The following LRP1B variants were observed in gnomAD, a reference collection of about 807,000 sequenced individuals.
LRP1B encodes the protein low-density lipoprotein receptor-related protein 1B.
Under a neutral mutation model 556.6 loss-of-function variants are expected in LRP1B, and 217 were observed. That is an observed-to-expected ratio of 0.39 (90% CI 0.35 to 0.44). The LOEUF (loss-of-function observed/expected upper bound fraction) is 0.44, where lower values mean the gene tolerates loss of function less well. Ranked by LOEUF, LRP1B falls within the 20% of genes least tolerant of loss-of-function variation. The pLI is 1.00. For synonymous variants in LRP1B, 2,047 were observed against 1,865.8 expected (o/e 1.10, Z -2.50); for missense variants, 5,053 against 5,620.8 (o/e 0.90, Z 3.23).
intron 45 of LRP1B, 149 bp from the exon 46 acceptor site, chr2:140,536,858 T>C (rs774032798): frequency 1.4e-6 from 1 of 695,162 alleles, no homozygotes; most frequent in Non-Finnish European, 2.3e-6. Flanking sequence ...ATGACATTTC[T>C]TTATGAAATT....
chr2:140,558,610 C>G (rs1281195129), intron 43 of LRP1B, among the ~76,000 whole-genome samples: 2 of 151,882 alleles, frequency 1.3e-5, no homozygotes, highest in African/African-American at 4.8e-5. Flanking sequence ...TGAGGACTGA[C>G]AGCTAAGTGG....
At chr2:140,970,929 C>T (rs922633759) in intron 18 of LRP1B, among the ~76,000 whole-genome samples, 4 of 151,644 alleles carry the variant, frequency 2.6e-5, no homozygotes, top group Non-Finnish European at 5.9e-5. Context: ...TGTTTAGAGA[C>T]AGGGTTTTGC....
chr2:140,787,029 G>A (rs1212815934), intron 32 of LRP1B, among the ~76,000 whole-genome samples: 2 of 152,104 alleles, frequency 1.3e-5, no homozygotes, highest in East Asian at 3.9e-4. Flanking sequence ...ATTAGAAAAA[G>A]GAAGAAGAGG....
intron 31 of LRP1B, among the ~76,000 whole-genome samples, chr2:140,824,134 A>AAC (rs925787019): frequency 2.0e-5 from 3 of 151,612 alleles, no homozygotes; most frequent in African/African-American, 7.3e-5. Flanking sequence ...AAAAATAAAA[A>AAC]AAAATAGAAA....
chr2:142,124,162 G>T (rs998587708), intron 1 of LRP1B, among the ~76,000 whole-genome samples: 15 of 151,780 alleles, frequency 9.9e-5, no homozygotes, highest in African/African-American at 3.6e-4. Flanking sequence ...GTGCCCAATA[G>T]TTATCCTTTC....
intron 86 of LRP1B, among the ~76,000 whole-genome samples, chr2:140,266,685 AC>A (rs1682217460): frequency 6.6e-6 from 1 of 151,856 alleles, no homozygotes; most frequent in Admixed American, 6.6e-5. Context: ...AAGATGTTCA[AC>A]CCTTTCTTTC....
intron 53 of LRP1B, among the ~76,000 whole-genome samples, chr2:140,504,059 C>T (rs528764000): frequency 6.6e-6 from 1 of 152,132 alleles, no homozygotes; most frequent in South Asian, 2.1e-4. Context: ...TTATCCAGTC[C>T]AATAACAATA....
In LRP1B at chr2:140,450,193, T is replaced by C. The variant is rs184972183; in HGVS notation, c.10057+375A>G. On this transcript the variant is annotated intron_variant, in intron 63 of 90. Coordinates refer to ENST00000389484, the MANE Select transcript of LRP1B (RefSeq NM_018557.3). ...TTACTTAAAGATAAGATTTCAGTAA[T>C]TGAGTGACATTCTGGAAACTTGCCC... Among the ~76,000 whole-genome samples the C allele has an allele frequency of 3.9e-5, 6 of 152,262 alleles. 1 individual carries two copies. In the South Asian group the frequency reaches 1.0e-3, roughly 26 times the overall value.
At chr2:142,123,697 A>G (rs1470411236) in intron 1 of LRP1B, among the ~76,000 whole-genome samples, 1 of 149,882 alleles carries the variant, frequency 6.7e-6, no homozygotes, top group Non-Finnish European at 1.5e-5. Context: ...ACAAAGTTGG[A>G]AGAAATTGTA....
intron 2 of LRP1B, among the ~76,000 whole-genome samples, chr2:141,574,422 C>G (rs1686660518): frequency 6.6e-6 from 1 of 152,078 alleles, no homozygotes; most frequent in Admixed American, 6.6e-5. Context: ...TCTTAATAAA[C>G]TAGGTACTGA....
chr2:140,545,146 T>C (rs1412840882), intron 43 of LRP1B, among the ~76,000 whole-genome samples: 1 of 151,694 alleles, frequency 6.6e-6, no homozygotes, highest in Non-Finnish European at 1.5e-5. Context: ...TGAGTTTTTT[T>C]TTTTTGTAAA....
intron 43 of LRP1B, among the ~76,000 whole-genome samples, chr2:140,553,824 C>T (rs891188188): frequency 6.6e-6 from 1 of 151,940 alleles, no homozygotes; most frequent in Non-Finnish European, 1.5e-5. Flanking sequence ...GAGAAGAGAG[C>T]CACATTGAGA....
intron 2 of LRP1B, among the ~76,000 whole-genome samples, chr2:141,809,912 T>A (rs1374322645): frequency 6.6e-6 from 1 of 151,974 alleles, no homozygotes; most frequent in Admixed American, 6.6e-5. Context: ...CGCTATATTT[T>A]AAATTTTCTC....
chr2:141,186,250 T>C (rs921269923), intron 7 of LRP1B, among the ~76,000 whole-genome samples: 2 of 150,016 alleles, frequency 1.3e-5, no homozygotes, highest in African/African-American at 4.8e-5. Flanking sequence ...GAAGTTATAA[T>C]AGTCAAGGCC....
At chr2:141,811,903 G>T (rs1393020912) in intron 1 of LRP1B, among the ~76,000 whole-genome samples, 1 of 152,064 alleles carries the variant, frequency 6.6e-6, no homozygotes, top group African/African-American at 2.4e-5. Flanking sequence ...GAAGAGACAG[G>T]CTGAGACAAA....
chr2:140,613,337 A>G (rs1366065084), intron 41 of LRP1B, among the ~76,000 whole-genome samples: 1 of 142,300 alleles, frequency 7.0e-6, no homozygotes, highest in African/African-American at 2.5e-5. Context: ...ATATAATTAT[A>G]TACATATAAA....
intron 20 of LRP1B, among the ~76,000 whole-genome samples, chr2:140,940,164 G>A (rs910045405): frequency 6.6e-6 from 1 of 151,812 alleles, no homozygotes; most frequent in Admixed American, 6.6e-5. Flanking sequence ...TGATTACAGG[G>A]GTGAGCCACC....
chr2:140,844,932 T>A (rs543123311), intron 29 of LRP1B, among the ~76,000 whole-genome samples: 1 of 152,284 alleles, frequency 6.6e-6, no homozygotes, highest in African/African-American at 2.4e-5. Flanking sequence ...GAGAGCTTCA[T>A]GGAGTATGAA....
At chr2:141,293,927 T>C (rs758274023) in intron 3 of LRP1B, among the ~76,000 whole-genome samples, 6 of 152,266 alleles carry the variant, frequency 3.9e-5, no homozygotes, top group South Asian at 2.1e-4. Flanking sequence ...ACTACATATA[T>C]ATTCTATATG....
Sources: gnomAD v4.1 joint callset for allele counts (sites outside exome capture counted in the v4.1 genomes callset) on GRCh38, gnomAD v4.1.1 for gene constraint, MANE v1.5 for transcripts, NCBI Gene and HGNC (gene_info 2026-07-23, HGNC 2026-07-21) for gene names.